SESTD1: variants seen among roughly 807,000 people sequenced by gnomAD.
SESTD1 encodes the protein SEC14 domain and spectrin repeat-containing protein 1.
A neutral mutation model predicts 101.7 loss-of-function variants in SESTD1; 43 were observed. The observed-to-expected ratio is 0.42, with a 90% CI of 0.33 to 0.55. The LOEUF (loss-of-function observed/expected upper bound fraction) is 0.55, where lower values mean the gene tolerates loss of function less well. SESTD1 is among the 20% of genes least tolerant of loss of function. SESTD1 has a pLI of 0.07. For missense variants in SESTD1, 647 were observed against 815.1 expected (o/e 0.79, Z 2.51); for synonymous variants, 283 against 286.8 (o/e 0.99, Z 0.13).
intron 16 of SESTD1, among the ~76,000 whole-genome samples, chr2:179,113,966 TG>T (rs5836670): frequency 0.065 from 9,753 of 150,978 alleles, 411 homozygotes; most frequent in South Asian, 0.2. Context: ...TTACACAGGG[TG>T]GGGGGAGCTT....
rs1559134154 is a variant in SESTD1 at position 179,185,656 on chromosome 2, C to CAATATAGT, written c.56-2469_56-2468insACTATATT. Among the ~76,000 whole-genome samples the CAATATAGT allele has an allele frequency of 9.1e-4, 109 of 119,514 alleles. 1 individual carries two copies. Among genetic ancestry groups the CAATATAGT allele is most frequent in the African/African-American group, 3.6e-3 (106 of 29,392 alleles). The allele number at this position is 119,514 out of a possible 152,430, so 78.4% of individuals were successfully genotyped here. On this transcript the variant is annotated intron_variant, in intron 2 of 17. Transcript: ENST00000428443. ...ATATAGCATATTATATACAATATAGCATATACAATATATAATATAGCATAT... is the reference window on the plus strand; with the variant it reads ...ATATAGCATATTATATACAATATAGCAATATAGTATATACAATATATAATATAGCATAT...
intron 1 of SESTD1, among the ~76,000 whole-genome samples, chr2:179,217,071 G>T (rs1446077195): frequency 4.9e-3 from 572 of 117,752 alleles, no homozygotes; most frequent in South Asian, 0.011. Flanking sequence ...ACATAGGCAT[G>T]GGCAAGGACT....
chr2:179,163,822 C>A (rs2045785572), intron 5 of SESTD1, among the ~76,000 whole-genome samples: 2 of 152,210 alleles, frequency 1.3e-5, no homozygotes, highest in South Asian at 4.1e-4. Context: ...ACCATATGGT[C>A]TTTAATAAAA....
rs1328370989 is a variant in SESTD1, at chr2:179,212,545, C to A, written c.-25-20679G>T. ...CAAGGCCTATTGCCTCTATAGACTC[C>A]ACCTCTGTGGGCAGGGCATAGCTGA... is the stretch of plus-strand genomic sequence containing the variant. On this transcript the variant is annotated intron_variant, in intron 1 of 17. Coordinates refer to ENST00000428443, the MANE Select transcript of SESTD1 (RefSeq NM_178123.5). Among the ~76,000 whole-genome samples, 2 of 136,132 alleles carry A rather than the reference C, an allele frequency of 1.5e-5. 1 individual carries two copies. The highest frequency in any genetic ancestry group is 3.2e-5 in the Non-Finnish European group (2 of 63,024). 89.3% of individuals were successfully genotyped at this position (136,132 alleles called of 152,430 possible).
chr2:179,195,355 C>T (rs1003805852), intron 1 of SESTD1, among the ~76,000 whole-genome samples: 2 of 152,214 alleles, frequency 1.3e-5, no homozygotes, highest in East Asian at 1.9e-4. Context: ...CTCTCTCCTG[C>T]CACCCTGTGA....
chr2:179,128,729 AAAAAAAAAAAAAGAAAAG>A (rs2044938528), intron 10 of SESTD1, among the ~76,000 whole-genome samples: 1 of 148,180 alleles, frequency 6.7e-6, no homozygotes. Context: ...CACTGTCTCA[AAAAAAAAAAAAAGAAAAG>A]AAAAAAAAAA....
intron 15 of SESTD1, among the ~76,000 whole-genome samples, chr2:179,115,694 G>A (rs748351882): frequency 7.9e-5 from 12 of 152,238 alleles, no homozygotes; most frequent in East Asian, 1.9e-4. Context: ...GATGCAGTGC[G>A]CTATGATTGT....
At chr2:179,242,460 A>G (rs1244742066) in intron 1 of SESTD1, among the ~76,000 whole-genome samples, 1 of 152,200 alleles carries the variant, frequency 6.6e-6, no homozygotes, top group East Asian at 1.9e-4. Context: ...ATTAGAAAAA[A>G]CTATTCTAAA....
chr2:179,146,066 C>T (rs2045388783), intron 8 of SESTD1, among the ~76,000 whole-genome samples: 1 of 148,870 alleles, frequency 6.7e-6, no homozygotes, highest in Admixed American at 6.7e-5. Context: ...AGCATTACTA[C>T]CTGAGTTCTG....
At chr2:179,155,982 A>C (rs1458229993) in intron 5 of SESTD1, among the ~76,000 whole-genome samples, 1 of 152,150 alleles carries the variant, frequency 6.6e-6, no homozygotes, top group Non-Finnish European at 1.5e-5. Flanking sequence ...CAGCGAGAAC[A>C]CACGATGTTT....
chr2:179,262,185 T>C (rs1470097991), intron 1 of SESTD1, among the ~76,000 whole-genome samples: 1 of 152,104 alleles, frequency 6.6e-6, no homozygotes. Context: ...TAAAGTAAAT[T>C]AGTGGTTGTC....
intron 9 of SESTD1, among the ~76,000 whole-genome samples, chr2:179,133,173 AG>A (rs1450581626): frequency 6.6e-6 from 1 of 152,042 alleles, no homozygotes; most frequent in Non-Finnish European, 1.5e-5. Flanking sequence ...GAGTCCCTCA[AG>A]CAGGTATAAG....
At chr2:179,184,352 T>C (rs1433618509) in intron 2 of SESTD1, among the ~76,000 whole-genome samples, 3 of 152,130 alleles carry the variant, frequency 2.0e-5, no homozygotes, top group Non-Finnish European at 4.4e-5. Context: ...CTGAAAGGTG[T>C]GAAGAAAAAG....
chr2:179,117,291 C>T (rs532182025), intron 14 of SESTD1, among the ~76,000 whole-genome samples: 2 of 152,174 alleles, frequency 1.3e-5, no homozygotes, highest in South Asian at 2.1e-4. Flanking sequence ...AAATAATAAA[C>T]GATCCCAATC....
At chr2:179,111,789 G>T (rs887009149) in intron 17 of SESTD1, among the ~76,000 whole-genome samples, 6 of 147,890 alleles carry the variant, frequency 4.1e-5, no homozygotes, top group Middle Eastern at 3.5e-3. Context: ...GCGTGATCTC[G>T]GCTCACTGCA....
chr2:179,110,165 C>T (rs1043445173), intron 17 of SESTD1, 137 bp from the exon 18 acceptor site: 1 of 799,876 alleles, frequency 1.3e-6, no homozygotes, highest in Non-Finnish European at 1.9e-6. Context: ...CATCGGTGAT[C>T]ATACTGTTTG....
intron 2 of SESTD1, among the ~76,000 whole-genome samples, chr2:179,185,757 CAATATAT>C (rs1237049876): frequency 6.3e-5 from 5 of 79,702 alleles, no homozygotes; most frequent in Non-Finnish European, 1.3e-4. Context: ...ATATTATATA[CAATATAT>C]AATATAGCAT....
At chr2:179,225,518 T>C (rs1350966792) in intron 1 of SESTD1, among the ~76,000 whole-genome samples, 1 of 152,202 alleles carries the variant, frequency 6.6e-6, no homozygotes, top group African/African-American at 2.4e-5. Context: ...TTTTAATCTG[T>C]TCATGCTACT....
At chr2:179,175,332 T>C (rs1473622257) in intron 4 of SESTD1, among the ~76,000 whole-genome samples, 1 of 152,196 alleles carries the variant, frequency 6.6e-6, no homozygotes, top group Non-Finnish European at 1.5e-5. Context: ...AAATAAATGA[T>C]AAAACGTTAA....
Sources: allele counts gnomAD v4.1 joint callset (sites outside exome capture counted in the v4.1 genomes callset), GRCh38; gene constraint gnomAD v4.1.1; transcripts MANE v1.5; gene names NCBI Gene and HGNC (gene_info 2026-07-23, HGNC 2026-07-21).